The following CNTN5 variants were observed in gnomAD, a reference collection of about 807,000 sequenced individuals.
CNTN5 encodes contactin 5.
In CNTN5, 77 loss-of-function variants were observed where a neutral mutation model predicts 129.1. The ratio of observed to expected loss-of-function variants is 0.60; its 90% CI spans 0.50 to 0.72. CNTN5 has a LOEUF of 0.72. CNTN5 is among the 30% of genes least tolerant of loss of function. The probability of loss-of-function intolerance (pLI) is 0.00; values close to 1 mark genes in which losing one functional copy is unlikely to be tolerated. For synonymous variants in CNTN5, 509 were observed against 465.6 expected (o/e 1.09, Z -1.20); for missense variants, 1,478 against 1,328.8 (o/e 1.11, Z -1.75).
chr11:99,439,513 G>C (rs1054263237), intron 2 of CNTN5, among the ~76,000 whole-genome samples: 7 of 151,888 alleles, frequency 4.6e-5, no homozygotes, highest in Non-Finnish European at 8.8e-5. Flanking sequence ...TTCAACACCA[G>C]CCTGGCCAAC....
At chr11:99,511,554 T>A (rs1201036482) in intron 2 of CNTN5, among the ~76,000 whole-genome samples, 9 of 152,062 alleles carry the variant, frequency 5.9e-5, no homozygotes, top group Non-Finnish European at 1.2e-4. Context: ...AGATGTCTAT[T>A]AGGTCTGCTT....
At chr11:99,544,467 C>T (rs905485343) in intron 2 of CNTN5, among the ~76,000 whole-genome samples, 1 of 152,126 alleles carries the variant, frequency 6.6e-6, no homozygotes, top group Non-Finnish European at 1.5e-5. Flanking sequence ...GTGCTGAGAA[C>T]ATAATGAAAT....
At chr11:99,858,876 G>A (rs7943536) in intron 6 of CNTN5, among the ~76,000 whole-genome samples, 152,129 of 152,130 alleles carry the variant, frequency 1, 76,064 homozygotes, top group Middle Eastern at 1. Context: ...AAGATTTATT[G>A]AGTGATTATT....
chr11:99,571,205 C>A (rs995872836), intron 3 of CNTN5, among the ~76,000 whole-genome samples: 7 of 152,062 alleles, frequency 4.6e-5, no homozygotes, highest in African/African-American at 1.7e-4. Context: ...GTAGTAGTTG[C>A]GAGAGAAAAG....
intron 1 of CNTN5, among the ~76,000 whole-genome samples, chr11:99,217,022 A>C (rs1407626841): frequency 6.6e-6 from 1 of 152,124 alleles, no homozygotes; most frequent in African/African-American, 2.4e-5. Context: ...GTCTCTACTA[A>C]ACATACAAAA....
chr11:99,575,825 G>A (rs1262711322), intron 3 of CNTN5, among the ~76,000 whole-genome samples: 1 of 152,170 alleles, frequency 6.6e-6, no homozygotes, highest in Non-Finnish European at 1.5e-5. Context: ...CTCCCCAGGG[G>A]TGGAGCTGGG....
intron 1 of CNTN5, among the ~76,000 whole-genome samples, chr11:99,277,281 C>A (rs960614968): frequency 6.6e-6 from 1 of 151,638 alleles, no homozygotes; most frequent in Non-Finnish European, 1.5e-5. Flanking sequence ...CTGTTTACAT[C>A]ATTAGCCTCT....
At chr11:99,716,034 G>C (rs1274173136) in intron 3 of CNTN5, among the ~76,000 whole-genome samples, 1 of 146,182 alleles carries the variant, frequency 6.8e-6, no homozygotes, top group East Asian at 2.1e-4. Flanking sequence ...TTAAAAAAAA[G>C]TTTGGAAGAT....
At chr11:100,292,766 A>G (rs748748935) in intron 18 of CNTN5, among the ~76,000 whole-genome samples, 1 of 151,968 alleles carries the variant, frequency 6.6e-6, no homozygotes, top group Non-Finnish European at 1.5e-5. Flanking sequence ...GCAATGAGAA[A>G]GAGTCATAAA....
rs144238169 is a variant in CNTN5, at chr11:100,062,943, A to G, written c.1162+1550A>G. On this transcript the variant is annotated intron_variant, in intron 10 of 24. Transcript: ENST00000524871. The stretch of plus-strand genomic sequence containing the variant: ...ACACGTTCATTTTATTCTCACACCA[A>G]CAGTTTGAAGTATTACCATCCCTCT... Among the ~76,000 whole-genome samples, 1,105 of 152,270 alleles carry G rather than the reference A, an allele frequency of 7.3e-3. 8 individuals are homozygous for G. Among genetic ancestry groups the G allele is most frequent in the African/African-American group, 0.024 (988 of 41,544 alleles).
intron 2 of CNTN5, among the ~76,000 whole-genome samples, chr11:99,386,909 AC>A (rs935286568): frequency 2.6e-5 from 4 of 151,970 alleles, no homozygotes; most frequent in East Asian, 3.9e-4. Flanking sequence ...AAACAAAAAA[AC>A]TTTTATTTAA....
At chr11:99,329,951 AC>A (rs1865934498) in intron 2 of CNTN5, among the ~76,000 whole-genome samples, 3 of 133,234 alleles carry the variant, frequency 2.3e-5, no homozygotes, top group African/African-American at 5.5e-5. Context: ...ACACACACAC[AC>A]ACACAATCCC....
At chr11:99,388,046 A>G (rs1941021041) in intron 2 of CNTN5, among the ~76,000 whole-genome samples, 1 of 152,144 alleles carries the variant, frequency 6.6e-6, no homozygotes, top group African/African-American at 2.4e-5. Context: ...ATTCTCCTAC[A>G]TATATTTGTC....
chr11:99,784,216 A>C (rs574858698), intron 3 of CNTN5, among the ~76,000 whole-genome samples: 1 of 152,076 alleles, frequency 6.6e-6, no homozygotes, highest in African/African-American at 2.4e-5. Flanking sequence ...ACTTAGGTAT[A>C]CATGTGCCAT....
rs1945700531 is a variant in CNTN5 at position 99,483,812 on chromosome 11, CA to C, written c.-70-72332del. Among the ~76,000 whole-genome samples, 2 of 152,070 alleles carry C rather than the reference CA, an allele frequency of 1.3e-5. 1 individual carries two copies. Among genetic ancestry groups the C allele is most frequent in the South Asian group, 4.1e-4 (2 of 4,830 alleles). ...TACCAAGAACATAAACTGGGCTAAG[CA>C]CAGTCTCTTCAGTAAATGGTGCTAA... On this transcript the variant is annotated intron_variant, in intron 2 of 24. Transcript: ENST00000524871.
At chr11:100,030,032 C>T (rs985227558) in intron 9 of CNTN5, among the ~76,000 whole-genome samples, 6 of 152,122 alleles carry the variant, frequency 3.9e-5, no homozygotes, top group Non-Finnish European at 7.4e-5. Context: ...GTTCTGTGCT[C>T]TACTTTGAAC....
chr11:99,748,406 A>G (rs1004883493), intron 3 of CNTN5, among the ~76,000 whole-genome samples: 1 of 139,376 alleles, frequency 7.2e-6, no homozygotes, highest in East Asian at 2.8e-4. Context: ...CTCCAGCAGA[A>G]CAATCCATAG....
chr11:99,654,902 G>T (rs1387417392), intron 3 of CNTN5, among the ~76,000 whole-genome samples: 1 of 151,856 alleles, frequency 6.6e-6, no homozygotes, highest in Non-Finnish European at 1.5e-5. Flanking sequence ...CAGAAAAAAA[G>T]GTTTAATCTT....
intron 2 of CNTN5, among the ~76,000 whole-genome samples, chr11:99,518,296 T>G (rs1200066606): frequency 6.6e-6 from 1 of 152,114 alleles, no homozygotes; most frequent in African/African-American, 2.4e-5. Context: ...CGCCACTTTA[T>G]GAGACACCCG....
Sources: allele counts gnomAD v4.1 joint callset (sites outside exome capture counted in the v4.1 genomes callset), GRCh38; gene constraint gnomAD v4.1.1; transcripts MANE v1.5; gene names NCBI Gene and HGNC (gene_info 2026-07-23, HGNC 2026-07-21).